LRRIQ4: variants seen among roughly 807,000 people sequenced by gnomAD.
The protein encoded by LRRIQ4 is leucine rich repeats and IQ motif containing 4, also known as leucine-rich repeat and IQ domain-containing protein 4.
LRRIQ4 carries 21 observed loss-of-function variants against 40.1 expected under a neutral mutation model. The ratio of observed to expected loss-of-function variants is 0.52; its 90% CI spans 0.37 to 0.75. The LOEUF is 0.75. Ranked by LOEUF, LRRIQ4 falls within the 30% of genes least tolerant of loss-of-function variation. The pLI, the probability that LRRIQ4 is intolerant of heterozygous loss-of-function variation, is 0.00. For synonymous variants in LRRIQ4, 277 were observed against 277.1 expected, an observed-to-expected ratio of 1.00 and a Z score of 0.00; for missense variants, 655 against 660.0, an observed-to-expected ratio of 0.99 and a Z score of 0.08.
intron 5 of LRRIQ4, among the ~76,000 whole-genome samples, chr3:169,834,178 A>G (rs1560616333): frequency 3.3e-5 from 5 of 152,166 alleles, no homozygotes; most frequent in Admixed American, 2.6e-4. Flanking sequence ...CCTGACCAAC[A>G]TGGTGAAACC....
In LRRIQ4 at chr3:169,837,768, C is replaced by A; in HGVS notation, c.*137C>A. The A allele has an allele frequency of 4.0e-6, 3 of 751,886 alleles. No individual in the cohort carries two copies. Among genetic ancestry groups the A allele is most frequent in the Non-Finnish European group, 4.1e-6 (2 of 488,994 alleles). 46.6% of individuals were successfully genotyped at this position (751,886 alleles called of 1,614,324 possible). A position where few individuals can be genotyped will look rare whatever the true frequency, so the allele number is the denominator to read the frequency against. The stretch of plus-strand genomic sequence containing the variant: ...TAAAAATAAATGATTCTTACTTTTA[C>A]TGAAATATTTATGGATAAAATGATA... On this transcript the variant is annotated 3_prime_UTR_variant, in exon 6 of 6. Coordinates refer to ENST00000340806, the MANE Select transcript of LRRIQ4 (RefSeq NM_001080460.3).
intron 1 of LRRIQ4, among the ~76,000 whole-genome samples, chr3:169,817,107 G>T (rs1352173991): frequency 3.9e-5 from 6 of 152,050 alleles, no homozygotes; most frequent in African/African-American, 1.2e-4. Context: ...TGCTTTCACT[G>T]TATCCCATAG....
chr3:169,830,755 T>C, intron 4 of LRRIQ4, 125 bp downstream of exon 4: 1 of 1,186,946 alleles, frequency 8.4e-7, no homozygotes, highest in Non-Finnish European at 1.2e-6. Context: ...ATCCCATTAC[T>C]TCCTTGCAGG....
At chr3:169,817,796 C>T (rs1779798235) in intron 1 of LRRIQ4, among the ~76,000 whole-genome samples, 1 of 152,062 alleles carries the variant, frequency 6.6e-6, no homozygotes, top group African/African-American at 2.4e-5. Context: ...TTTTCCCATT[C>T]CTTTATTTTC....
At chr3:169,837,228 G>A (rs377373589) in intron 5 of LRRIQ4, among the ~76,000 whole-genome samples, 10 of 152,310 alleles carry the variant, frequency 6.6e-5, no homozygotes, top group African/African-American at 2.4e-4. Context: ...ATAAAGTTGA[G>A]ACAGTTATTT....
At chr3:169,825,565 T>C (rs1387998545) in intron 2 of LRRIQ4, among the ~76,000 whole-genome samples, 1 of 152,190 alleles carries the variant, frequency 6.6e-6, no homozygotes, top group Non-Finnish European at 1.5e-5. Context: ...CATTCTGCAG[T>C]TGGAGTGAAA....
rs1779941461 is a variant in LRRIQ4 at position 169,822,771 on chromosome 3, C to G, written c.850C>G (p.Leu284Val). ...CATTTGCAGGTGGACCTCGCTGCAC[C>G]TGCTCTACCTGGGAAACACCGGCCT... ...RLICRWTSLH[L>V]LYLGNTGLHR... The change falls in exon 2 of 6, where the codon CTG becomes GTG. Residue 284 changes from leucine to valine, a missense_variant. Physicochemically the swap from Leu to Val is conservative, Grantham distance 32 (BLOSUM62 1). Coordinates refer to ENST00000340806, the MANE Select transcript of LRRIQ4 (RefSeq NM_001080460.3). 6.2e-7 allele frequency: 1 copy of G among 1,613,600 alleles called. No homozygotes were observed. Among genetic ancestry groups the G allele is most frequent in the African/African-American group, 1.3e-5 (1 of 75,064 alleles).
intron 2 of LRRIQ4, among the ~76,000 whole-genome samples, chr3:169,824,003 G>A (rs1285118105): frequency 6.6e-6 from 1 of 151,928 alleles, no homozygotes; most frequent in Admixed American, 6.6e-5. Context: ...GAAAACCTAA[G>A]GTTCCGCATC....
intron 2 of LRRIQ4, among the ~76,000 whole-genome samples, chr3:169,827,827 T>C (rs1010873542): frequency 1.3e-5 from 2 of 152,148 alleles, no homozygotes; most frequent in Non-Finnish European, 2.9e-5. Context: ...ATGCAAGCAC[T>C]GTATTAGAAG....
chr3:169,832,431 G>T (rs1385261325), intron 4 of LRRIQ4, among the ~76,000 whole-genome samples: 1 of 150,140 alleles, frequency 6.7e-6, no homozygotes, highest in Non-Finnish European at 1.5e-5. Flanking sequence ...TGGCGCCACT[G>T]CACTCCAGCC....
chr3:169,831,146 T>C (rs1780162657), intron 4 of LRRIQ4, among the ~76,000 whole-genome samples: 3 of 151,842 alleles, frequency 2.0e-5, no homozygotes, highest in Non-Finnish European at 4.4e-5. Context: ...GTCTGTACAT[T>C]CATCCATCCA....
Position 169,830,621 on chromosome 3 carries a change from C to G in LRRIQ4, c.1324C>G (p.Gln442Glu). 1 of 1,613,822 alleles carries G rather than the reference C, an allele frequency of 6.2e-7. No individual in the cohort carries two copies. The highest frequency in any genetic ancestry group is 2.2e-5 in the East Asian group (1 of 44,868). ...TAAGCAACTTCCAGATGCCATTTGC[C>G]AAGCACAAGGTGAGGAAACTTAGTA... ...LLKQLPDAIC[Q>E]AQALKELRLE... Residue 442 changes from glutamine (Q) to glutamate (E), a missense_variant, in exon 4 of 6, where the codon CAA becomes GAA. Coordinates refer to ENST00000340806, the MANE Select transcript of LRRIQ4 (RefSeq NM_001080460.3).
At position 169,822,792 on chromosome 3, in the gene LRRIQ4, G is replaced by T. The variant is rs139451670; in HGVS notation, c.871G>T (p.Gly291Cys). Residue 291 changes from glycine to cysteine, a missense_variant, in exon 2 of 6, where the codon GGC becomes TGC. Gly to Cys is a radical substitution (Grantham distance 159). Transcript: ENST00000340806. The part of the protein sequence containing the change: ...SLHLLYLGNT[G>C]LHRLRGSFRC... ...GCACCTGCTCTACCTGGGAAACACC[G>T]GCCTGCACAGGCTGCGGGGCTCCTT... The T allele has an allele frequency of 6.2e-7, 1 of 1,613,714 alleles. No individual in the cohort carries two copies. The highest frequency in any genetic ancestry group is 8.5e-7 in the Non-Finnish European group (1 of 1,179,766).
In LRRIQ4 at chr3:169,828,850, TA is replaced by T. The variant is rs770248609; in HGVS notation, c.1113del (p.Ala372ArgfsTer3). 1 of 1,613,962 alleles carries T rather than the reference TA, an allele frequency of 6.2e-7. No individual in the cohort carries two copies. The highest frequency in any genetic ancestry group is 1.1e-5 in the South Asian group (1 of 91,072). On this transcript the variant is annotated frameshift_variant, in exon 3 of 6. Coordinates refer to ENST00000340806, the MANE Select transcript of LRRIQ4 (RefSeq NM_001080460.3). LOFTEE classifies it high-confidence loss of function. ...TCCTTTCCGGAGGAAGTCCTTTCTTTAGCGTCTTTAGAGAAATTATACATTG... is the reference window on the plus strand; with the variant it reads ...TCCTTTCCGGAGGAAGTCCTTTCTTTGCGTCTTTAGAGAAATTATACATTG... The part of the protein sequence containing the change: ...FLSFPEEVLS[L>X]ASLEKLYIGQ...
At chr3:169,818,426 A>C (rs1351614714) in intron 1 of LRRIQ4, among the ~76,000 whole-genome samples, 2 of 152,108 alleles carry the variant, frequency 1.3e-5, no homozygotes, top group Non-Finnish European at 2.9e-5. Context: ...TGATTGCTAG[A>C]GGGTTCTATT....
rs1363237553 is a variant in LRRIQ4, at chr3:169,837,461, G to A, written c.1531-18G>A. The stretch of plus-strand genomic sequence containing the variant: ...GTGATACCAGCCGATGCTGAATTTG[G>A]GTTTATCTTGTTTTCAGATTCAGGC... On this transcript the variant is annotated intron_variant, in intron 5 of 5. Coordinates refer to ENST00000340806, the MANE Select transcript of LRRIQ4 (RefSeq NM_001080460.3). 1.3e-6 allele frequency: 2 copies of A among 1,596,016 alleles called. No individual in the cohort carries two copies. Among genetic ancestry groups the A allele is most frequent in the Non-Finnish European group, 1.7e-6 (2 of 1,174,660 alleles).
chr3:169,814,381 C>T (rs1189606832), intron 1 of LRRIQ4, among the ~76,000 whole-genome samples: 1 of 152,186 alleles, frequency 6.6e-6, no homozygotes, highest in Admixed American at 6.5e-5. Context: ...TCTTCTGCTC[C>T]TCTGTTCCTC....
chr3:169,823,013 C>CT, intron 2 of LRRIQ4, 72 bp downstream of exon 2: 1 of 1,308,432 alleles, frequency 7.6e-7, no homozygotes, highest in Admixed American at 3.2e-5. Context: ...GGTTCTGTAT[C>CT]TAAACAGCAA....
intron 2 of LRRIQ4, among the ~76,000 whole-genome samples, chr3:169,823,880 G>T (rs1456301930): frequency 6.6e-6 from 1 of 152,114 alleles, no homozygotes; most frequent in African/African-American, 2.4e-5. Flanking sequence ...CAGTAGGGGA[G>T]TGGGCAAATA....
Sources: gnomAD v4.1 joint callset for allele counts (sites outside exome capture counted in the v4.1 genomes callset) on GRCh38, gnomAD v4.1.1 for gene constraint, MANE v1.5 for transcripts, NCBI Gene and HGNC (gene_info 2026-07-23, HGNC 2026-07-21) for gene names.